PTPRD: variants seen among roughly 807,000 people sequenced by gnomAD.
PTPRD encodes protein tyrosine phosphatase receptor type D, also known as receptor-type tyrosine-protein phosphatase delta.
PTPRD carries 34 observed loss-of-function variants against 214.5 expected under a neutral mutation model. The observed-to-expected ratio is 0.16, with a 90% CI of 0.12 to 0.21. The LOEUF is 0.21. PTPRD is among the 10% of genes least tolerant of loss of function. PTPRD has a pLI of 1.00. For missense variants in PTPRD, 2,545 were observed against 2,398.7 expected, an observed-to-expected ratio of 1.06 and a Z score of -1.27; for synonymous variants, 1,128 against 845.7, an observed-to-expected ratio of 1.33 and a Z score of -5.79.
chr9:9,040,525 A>G (rs1339818105), intron 10 of PTPRD, among the ~76,000 whole-genome samples: 1 of 152,196 alleles, frequency 6.6e-6, no homozygotes, highest in Non-Finnish European at 1.5e-5. Flanking sequence ...GCACTCTTGC[A>G]TAGAGAAATT....
chr9:8,485,953 G>C lies in PTPRD; in HGVS notation c.2864C>G (p.Thr955Ser), dbSNP rs763256154. 14 of 1,614,182 alleles carry C rather than the reference G, an allele frequency of 8.7e-6. 1 individual carries two copies. The Middle Eastern group carries it at 4.9e-4, about 57-fold the overall frequency. Reference sequence around the variant, plus strand: ...GATGTTGATATCCCTATAAAGAAGGGTATACTTGGTGATAATGCCATTTCT... The same window carrying C: ...GATGTTGATATCCCTATAAAGAAGGCTATACTTGGTGATAATGCCATTTCT... ...AERNGIITKYTLLYRDINIPL... is the reference protein window; with the variant it reads ...AERNGIITKYSLLYRDINIPL... The change falls in exon 28 of 46, where the codon ACC becomes AGC. Residue 955 changes from threonine to serine, a missense_variant. By Grantham distance (58) the Thr-to-Ser change is moderately conservative (BLOSUM62 1). Coordinates refer to ENST00000381196, the MANE Select transcript of PTPRD (RefSeq NM_002839.4).
At chr9:10,539,064 T>G (rs967248458) in intron 2 of PTPRD, among the ~76,000 whole-genome samples, 5 of 152,214 alleles carry the variant, frequency 3.3e-5, no homozygotes, top group Admixed American at 3.3e-4. Context: ...ATGCAAATGC[T>G]CCTGAGAACT....
chr9:9,512,256 T>G (rs1345509031), intron 8 of PTPRD, among the ~76,000 whole-genome samples: 2 of 151,884 alleles, frequency 1.3e-5, no homozygotes, highest in Non-Finnish European at 2.9e-5. Context: ...GCAAGCTTTC[T>G]TCTGACAGAA....
At chr9:8,462,728 C>T (rs928677683) in intron 32 of PTPRD, among the ~76,000 whole-genome samples, 5 of 151,806 alleles carry the variant, frequency 3.3e-5, no homozygotes, top group Admixed American at 1.3e-4. Context: ...TGGCAGTGAT[C>T]GGTCATTCCC....
intron 4 of PTPRD, among the ~76,000 whole-genome samples, chr9:9,995,542 C>A (rs2096089608): frequency 6.6e-6 from 1 of 152,100 alleles, no homozygotes; most frequent in African/African-American, 2.4e-5. Context: ...CACTCTGTAT[C>A]CTGAGATTGC....
chr9:10,598,722 G>A (rs894161154), intron 2 of PTPRD, among the ~76,000 whole-genome samples: 1 of 149,990 alleles, frequency 6.7e-6, no homozygotes, highest in Non-Finnish European at 1.5e-5. Flanking sequence ...GTGTGTGTGT[G>A]TGTGTGTGTG....
At chr9:8,410,603 G>A (rs188520034) in intron 35 of PTPRD, among the ~76,000 whole-genome samples, 10 of 152,188 alleles carry the variant, frequency 6.6e-5, no homozygotes, top group Middle Eastern at 3.4e-3. Flanking sequence ...AATGGATGTG[G>A]GAGTGCCCCA....
At chr9:8,348,055 T>C (rs142936571) in intron 39 of PTPRD, among the ~76,000 whole-genome samples, 12 of 152,148 alleles carry the variant, frequency 7.9e-5, no homozygotes, top group African/African-American at 2.9e-4. Flanking sequence ...TAAAAAAAAG[T>C]GCTAGAATAG....
intron 5 of PTPRD, among the ~76,000 whole-genome samples, chr9:9,932,938 A>C (rs1236323114): frequency 5.5e-5 from 8 of 146,688 alleles, no homozygotes; most frequent in South Asian, 2.3e-4. Context: ...TTCTTAAAGA[A>C]AAGAATTTTC....
intron 12 of PTPRD, among the ~76,000 whole-genome samples, chr9:8,720,622 A>G (rs2098482697): frequency 6.6e-6 from 1 of 152,252 alleles, no homozygotes; most frequent in East Asian, 1.9e-4. Context: ...GCCTAATAAA[A>G]GAATGGAAAT....
At chr9:9,583,639 C>A (rs1444836222) in intron 7 of PTPRD, among the ~76,000 whole-genome samples, 1 of 152,020 alleles carries the variant, frequency 6.6e-6, no homozygotes, top group African/African-American at 2.4e-5. Flanking sequence ...CTGATCCTTT[C>A]ATTTCTGGAG....
At chr9:8,496,901 ATTC>A (rs1451681779) in intron 26 of PTPRD, among the ~76,000 whole-genome samples, 1 of 152,194 alleles carries the variant, frequency 6.6e-6, no homozygotes, top group Non-Finnish European at 1.5e-5. Flanking sequence ...GTCCAAGACC[ATTC>A]TTCTTCCAAT....
At chr9:8,470,064 C>A (rs1445972376) in intron 31 of PTPRD, among the ~76,000 whole-genome samples, 1 of 152,086 alleles carries the variant, frequency 6.6e-6, no homozygotes, top group African/African-American at 2.4e-5. Flanking sequence ...CAAGATGTGG[C>A]CTATGCTATA....
chr9:9,308,139 T>C (rs1488225952), intron 9 of PTPRD, among the ~76,000 whole-genome samples: 1 of 152,208 alleles, frequency 6.6e-6, no homozygotes, highest in Non-Finnish European at 1.5e-5. Context: ...ACTCTTACCA[T>C]GTGTGATCTA....
At chr9:9,067,668 C>T (rs532571432) in intron 10 of PTPRD, among the ~76,000 whole-genome samples, 2 of 152,184 alleles carry the variant, frequency 1.3e-5, no homozygotes, top group African/African-American at 4.8e-5. Context: ...TATAGATTTG[C>T]ATATGGTTGT....
chr9:8,786,198 C>T (rs2095955871), intron 11 of PTPRD, among the ~76,000 whole-genome samples: 1 of 152,068 alleles, frequency 6.6e-6, no homozygotes, highest in African/African-American at 2.4e-5. Flanking sequence ...ATTAACGACT[C>T]AGAGATAATT....
chr9:9,711,070 G>A (rs967561331), intron 7 of PTPRD, among the ~76,000 whole-genome samples: 6 of 152,098 alleles, frequency 3.9e-5, no homozygotes, highest in South Asian at 4.1e-4. Flanking sequence ...ACCTTGTGCC[G>A]AGCTACCTGG....
At chr9:9,942,578 T>C (rs1287153163) in intron 4 of PTPRD, among the ~76,000 whole-genome samples, 1 of 152,128 alleles carries the variant, frequency 6.6e-6, no homozygotes, top group African/African-American at 2.4e-5. Context: ...ATTTCCTTCC[T>C]TGAGAATCAA....
intron 4 of PTPRD, among the ~76,000 whole-genome samples, chr9:9,948,249 G>A (rs1320438672): frequency 2.0e-5 from 3 of 151,984 alleles, no homozygotes; most frequent in Non-Finnish European, 4.4e-5. Flanking sequence ...CTTATGAACT[G>A]CACTGCCATT....
Sources: allele counts gnomAD v4.1 joint callset (sites outside exome capture counted in the v4.1 genomes callset), GRCh38; gene constraint gnomAD v4.1.1; transcripts MANE v1.5; gene names NCBI Gene and HGNC (gene_info 2026-07-23, HGNC 2026-07-21).